The following PRPF8 variants were observed in gnomAD, a reference collection of about 807,000 sequenced individuals.
PRPF8 encodes the protein pre-mRNA-processing-splicing factor 8.
PRPF8 carries 64 observed loss-of-function variants against 285.9 expected under a neutral mutation model. That is an observed-to-expected ratio of 0.22 (90% CI 0.18 to 0.28). The LOEUF is 0.28. PRPF8 is among the 10% of genes least tolerant of loss of function. The pLI, the probability that PRPF8 is intolerant of heterozygous loss-of-function variation, is 1.00. For missense variants in PRPF8, 1,426 were observed against 3,026.7 expected (o/e 0.47, Z 12.41); for synonymous variants, 1,325 against 1,118.2 (o/e 1.18, Z -3.69).
At position 1,659,274 on chromosome 17, in the gene PRPF8, CCG is replaced by C; in HGVS notation, c.5138+81_5138+82del. On this transcript the variant is annotated intron_variant, in intron 32 of 42. Coordinates refer to ENST00000304992, the MANE Select transcript of PRPF8 (RefSeq NM_006445.4). This position sits in a 1 kb window ranked among gnomAD's most constrained non-coding sequence, Gnocchi z 5.1. ...CTCCTGAGCTCAGACAATCTGCCCA[CCG>C]CGGCCTCCCAAAGTGCTGGGATTAC... The C allele has an allele frequency of 6.7e-7, 1 of 1,495,168 alleles. No homozygotes were observed. Among genetic ancestry groups the C allele is most frequent in the South Asian group, 1.1e-5 (1 of 88,426 alleles). 92.6% of individuals were successfully genotyped at this position (1,495,168 alleles called of 1,614,324 possible).
chr17:1,672,745 T>C (rs1273042536), intron 24 of PRPF8, among the ~76,000 whole-genome samples: 3 of 152,192 alleles, frequency 2.0e-5, no homozygotes, highest in Admixed American at 2.0e-4. Flanking sequence ...ACAGGTTCTC[T>C]ATGCCACTGG....
chr17:1,682,518 T>G (rs1182209823), intron 3 of PRPF8, among the ~76,000 whole-genome samples: 2 of 152,084 alleles, frequency 1.3e-5, no homozygotes, highest in African/African-American at 4.8e-5. Flanking sequence ...TGGTATCAGC[T>G]CCTCTAAATC....
chr17:1,652,419 AAG>A (rs1438914840), intron 39 of PRPF8, among the ~76,000 whole-genome samples: 1 of 148,698 alleles, frequency 6.7e-6, no homozygotes, highest in Non-Finnish European at 1.5e-5. Context: ...TCATATATTT[AAG>A]AGAGACGGGG....
At chr17:1,680,478 C>T (rs751387383) in intron 8 of PRPF8, 18 of 584,944 alleles carry the variant, frequency 3.1e-5, no homozygotes, top group South Asian at 4.0e-5. Context: ...AGAGACAGAC[C>T]GGGACAGATT....
intron 2 of PRPF8, 109 bp downstream of exon 2, chr17:1,684,363 G>GGA: frequency 9.5e-7 from 1 of 1,053,666 alleles, no homozygotes; most frequent in Non-Finnish European, 1.5e-6. Flanking sequence ...AAATAACAAG[G>GGA]GAGCTGACAC....
chr17:1,654,957 TC>T (rs1567676214), intron 37 of PRPF8: 2 of 206,140 alleles, frequency 9.7e-6, no homozygotes, highest in African/African-American at 5.4e-5. Context: ...TTGAGAAACG[TC>T]TTTTTTTTTT....
In PRPF8 at chr17:1,671,908, C is replaced by T. The variant is rs572281329; in HGVS notation, c.3774+1173G>A. Among the ~76,000 whole-genome samples the T allele has an allele frequency of 2.9e-3, 433 of 151,048 alleles. 2 individuals carry two copies. Among genetic ancestry groups the T allele is most frequent in the African/African-American group, 1.0e-2 (409 of 41,094 alleles). On this transcript the variant is annotated intron_variant, in intron 24 of 42. Transcript: ENST00000304992. ...TTAGCCAGGCATGGTGGCGTATGCA[C>T]CTGTGGTCCCAGATACTTGGGAGGC... is the stretch of plus-strand genomic sequence containing the variant.
Position 1,660,760 on chromosome 17 carries a change from G to A in PRPF8, c.4576C>T (p.Leu1526=). 1 of 1,613,998 alleles carries A rather than the reference G, an allele frequency of 6.2e-7. No homozygotes were observed. The highest frequency in any genetic ancestry group is 8.5e-7 in the Non-Finnish European group (1 of 1,180,032). Residue 1526 remains leucine (L), a synonymous_variant, in exon 29 of 43, where the codon CTG becomes TTG. Transcript: ENST00000304992. ...AATCTACGATTGGGAATCTGGTTCA[G>A]TCCTGATCGCTGAGCATTAGTTAGC... ...KKLTNAQRSG[L]NQIPNRRFTL... is the part of the protein sequence containing the mutation.
chr17:1,658,384 A>G lies in PRPF8; in HGVS notation c.5377-3T>C. 3 of 1,614,214 alleles carry G rather than the reference A, an allele frequency of 1.9e-6. No individual in the cohort carries two copies. The highest frequency in any genetic ancestry group is 2.2e-5 in the South Asian group (2 of 91,086). ...GTTGTCAAGTTCCCTTCAAAGGTCT[A>G]GAGGAGGACGGCATTCGTTAGCATG... On this transcript the variant is annotated splice_region_variant and splice_polypyrimidine_tract_variant and intron_variant, in intron 33 of 42. Coordinates refer to ENST00000304992, the MANE Select transcript of PRPF8 (RefSeq NM_006445.4). The surrounding 1 kb of genome is among the most constrained non-coding windows in gnomAD (Gnocchi z 4.1).
chr17:1,665,469 C>T (rs1024027003), intron 24 of PRPF8, among the ~76,000 whole-genome samples: 4 of 151,652 alleles, frequency 2.6e-5, no homozygotes, highest in Admixed American at 6.6e-5. Context: ...ACCCAGGAGG[C>T]GGAAGTTGCA....
chr17:1,656,353 G>T (rs9889459), intron 36 of PRPF8, 39 bp downstream of exon 36: 1 of 1,612,896 alleles, frequency 6.2e-7, no homozygotes, highest in Non-Finnish European at 8.5e-7. Flanking sequence ...CCCTAAACCC[G>T]CTCCTCCTCC....
intron 4 of PRPF8, 23 bp downstream of exon 4, chr17:1,682,106 C>G (rs755815790): frequency 6.2e-7 from 1 of 1,613,824 alleles, no homozygotes; most frequent in Admixed American, 1.7e-5. Flanking sequence ...CACCACCACC[C>G]ACCATATTTC....
In PRPF8 at chr17:1,661,117, C is replaced by T. The variant is rs1486282000; in HGVS notation, c.4384G>A (p.Gly1462Arg). 2 of 1,614,032 alleles carry T rather than the reference C, an allele frequency of 1.2e-6. No homozygotes were observed. Among genetic ancestry groups the T allele is most frequent in the Non-Finnish European group, 1.7e-6 (2 of 1,180,026 alleles). ...PFWWTHQRHD[G>R]KLWNLNNYRT... ...TAGTTGTTCAGGTTCCAGAGCTTCC[C>T]ATCATGCCGCTGGTGTGTCCACCAG... Residue 1462 changes from glycine to arginine, a missense_variant, in exon 28 of 43, where the codon GGG becomes AGG. Gly to Arg is a moderately radical substitution (Grantham distance 125). Around this residue, in one of 34 missense-constraint regions of PRPF8, gnomAD observed 23 missense variants for 43.6 expected, o/e 0.53. Transcript: ENST00000304992. This position sits in a 1 kb window ranked among gnomAD's most constrained non-coding sequence, Gnocchi z 7.3.
At position 1,675,092 on chromosome 17, in the gene PRPF8, A is replaced by G; in HGVS notation, c.3060+60T>C. 15 of 1,600,982 alleles carry G rather than the reference A, an allele frequency of 9.4e-6. No homozygotes were observed. The highest frequency in any genetic ancestry group is 1.3e-5 in the Non-Finnish European group (15 of 1,171,454). ...CCAGCCTCCTCCTCAGCAAATTCTG[A>G]GTCAGTGGGCCAGACAAGCACTCCA... On this transcript the variant is annotated intron_variant, in intron 20 of 42. Coordinates refer to ENST00000304992, the MANE Select transcript of PRPF8 (RefSeq NM_006445.4). This position sits in a 1 kb window ranked among gnomAD's most constrained non-coding sequence, Gnocchi z 6.0.
chr17:1,673,925 A>C lies in PRPF8; in HGVS notation c.3300-33T>G, dbSNP rs766608111. 3 of 1,607,886 alleles carry C rather than the reference A, an allele frequency of 1.9e-6. No homozygotes were observed. Among genetic ancestry groups the C allele is most frequent in the East Asian group, 4.5e-5 (2 of 44,896 alleles). ...AGACCAGGTACACTGCTGAGGCCCCAGTACACTGAGATTTGGGACACCCAC... is the reference window on the plus strand; with the variant it reads ...AGACCAGGTACACTGCTGAGGCCCCCGTACACTGAGATTTGGGACACCCAC... On this transcript the variant is annotated intron_variant, in intron 21 of 42. Transcript: ENST00000304992. This position sits in a 1 kb window ranked among gnomAD's most constrained non-coding sequence, Gnocchi z 5.5.
rs746338437 is a variant in PRPF8 at position 1,674,698 on chromosome 17, C to G, written c.3061-18G>C. ...TTCATGTCCTAGAAAGAAAGAACTA[C>G]AATTCTTAAGAATGTGAGCCATGCC... On this transcript the variant is annotated intron_variant, in intron 20 of 42. Transcript: ENST00000304992. 6.2e-7 allele frequency: 1 copy of G among 1,604,392 alleles called. No individual in the cohort carries two copies. Among genetic ancestry groups the G allele is most frequent in the South Asian group, 1.1e-5 (1 of 90,904 alleles).
Position 1,657,005 on chromosome 17 carries a change from TAC to T in PRPF8, c.5506-246_5506-245del, listed in dbSNP as rs1411497148. On this transcript the variant is annotated intron_variant, in intron 34 of 42. Coordinates refer to ENST00000304992, the MANE Select transcript of PRPF8 (RefSeq NM_006445.4). ...GTATGTGCTAAACTATACACTGTTT[TAC>T]AGAGTTCAGGAACAAAAGAAATTAA... 2.6e-5 allele frequency among the ~76,000 whole-genome samples: 4 copies of T among 152,166 alleles called. No individual in the cohort carries two copies. In the East Asian group the frequency reaches 7.7e-4, roughly 29 times the overall value.
chr17:1,671,702 T>C (rs917472985), intron 24 of PRPF8, among the ~76,000 whole-genome samples: 1 of 151,180 alleles, frequency 6.6e-6, no homozygotes, highest in Non-Finnish European at 1.5e-5. Flanking sequence ...ATACAAAAAC[T>C]TAGCCGGGCG....
At position 1,677,009 on chromosome 17, in the gene PRPF8, G is replaced by A; in HGVS notation, c.2148C>T (p.Ala716=). Residue 716 remains alanine, a synonymous_variant, in exon 15 of 43, where the codon GCC becomes GCT. Transcript: ENST00000304992. ...ARTILQHLSE[A]WRCWKANIPW... ...GAATGTTGGCTTTCCAGCAGCGCCA[G>A]GCTTCACTGAGGTGCTGCAGGATTG... The A allele has an allele frequency of 6.2e-7, 1 of 1,614,060 alleles. No homozygotes were observed. The highest frequency in any genetic ancestry group is 8.5e-7 in the Non-Finnish European group (1 of 1,180,014).
Sources: allele counts gnomAD v4.1 joint callset (sites outside exome capture counted in the v4.1 genomes callset), GRCh38; gene constraint gnomAD v4.1.1; regional missense constraint gnomAD v4.1.1; non-coding constraint Gnocchi (gnomAD v3.1); transcripts MANE v1.5; gene names NCBI Gene and HGNC (gene_info 2026-07-23, HGNC 2026-07-21).